The following PALM2AKAP2 variants were observed in gnomAD, a reference collection of about 807,000 sequenced individuals.
The protein encoded by PALM2AKAP2 is PALM2-AKAP2 fusion protein.
In PALM2AKAP2, 37 loss-of-function variants were observed where a neutral mutation model predicts 71.5. The ratio of observed to expected loss-of-function variants is 0.52; its 90% CI spans 0.40 to 0.68. PALM2AKAP2 has a LOEUF of 0.68. PALM2AKAP2 is among the 30% of genes least tolerant of loss of function. The pLI, the probability that PALM2AKAP2 is intolerant of heterozygous loss-of-function variation, is 0.00. For synonymous variants in PALM2AKAP2, 468 were observed against 478.8 expected (o/e 0.98, Z 0.29); for missense variants, 1,224 against 1,191.8 (o/e 1.03, Z -0.40).
chr9:109,738,155 T>C (rs1828665352), intron 1 of PALM2AKAP2, among the ~76,000 whole-genome samples: 1 of 152,246 alleles, frequency 6.6e-6, no homozygotes. Context: ...TATACTCTTA[T>C]GTTTCCCTCA....
intron 1 of PALM2AKAP2, among the ~76,000 whole-genome samples, chr9:109,765,109 C>T (rs777230226): frequency 3.3e-5 from 5 of 152,192 alleles, no homozygotes; most frequent in South Asian, 2.1e-4. Flanking sequence ...GTGGATAAAA[C>T]GTGGTTCTCA....
intron 1 of PALM2AKAP2, among the ~76,000 whole-genome samples, chr9:109,758,191 A>G (rs1346058695): frequency 6.6e-6 from 1 of 152,132 alleles, no homozygotes; most frequent in Non-Finnish European, 1.5e-5. Context: ...CCATCAGTGC[A>G]TGAAGAGTTT....
chr9:109,647,880 G>A (rs1827175329), intron 1 of PALM2AKAP2, among the ~76,000 whole-genome samples: 1 of 152,210 alleles, frequency 6.6e-6, no homozygotes, highest in South Asian at 2.1e-4. Context: ...TTACCTTAAA[G>A]TTGAGGAAAT....
In PALM2AKAP2 at chr9:109,705,082, T is replaced by C. The variant is rs560128406; in HGVS notation, c.5+64216T>C. 1.1e-4 allele frequency among the ~76,000 whole-genome samples: 17 copies of C among 152,312 alleles called. No individual in the cohort carries two copies. In the South Asian group the frequency reaches 3.1e-3, roughly 28 times the overall value. ...GGTTTTATGAGCATGAAAAGATGTC[T>C]GGAAAGAACTTAGCCCACCAGGACA... On this transcript the variant is annotated intron_variant, in intron 1 of 6. Coordinates refer to the PALM2AKAP2 transcript ENST00000374531.
At chr9:110,130,189 A>G (rs1160181480) in intron 1 of PALM2AKAP2, among the ~76,000 whole-genome samples, 1 of 152,272 alleles carries the variant, frequency 6.6e-6, no homozygotes, top group Non-Finnish European at 1.5e-5. Flanking sequence ...ACCGTTTTAC[A>G]GTTTACATAG....
chr9:109,709,169 A>G (rs1352379697), intron 1 of PALM2AKAP2, among the ~76,000 whole-genome samples: 1 of 152,220 alleles, frequency 6.6e-6, no homozygotes, highest in African/African-American at 2.4e-5. Flanking sequence ...AAGAGACCAC[A>G]GCCCACATCC....
At chr9:110,169,310 A>G (rs1836804404) in exon 4 of PALM2AKAP2, 1 of 152,604 alleles carries the variant, frequency 6.6e-6, no homozygotes, top group African/African-American at 2.4e-5. Context: ...TTTAGTGGGC[A>G]ACAACTATTT....
chr9:109,642,548 C>T (rs61030848), intron 1 of PALM2AKAP2, among the ~76,000 whole-genome samples: 30,864 of 149,346 alleles, frequency 0.21, 3,268 homozygotes, highest in African/African-American at 0.27. Context: ...ATTGGGGTTT[C>T]GGATTGGCAC....
intron 1 of PALM2AKAP2, among the ~76,000 whole-genome samples, chr9:109,669,629 TAG>T (rs1244316366): frequency 1.3e-5 from 2 of 152,126 alleles, no homozygotes; most frequent in Non-Finnish European, 2.9e-5. Context: ...TTAATAGATA[TAG>T]AACTACTCAG....
In PALM2AKAP2 at chr9:110,097,826, TTG is replaced by T. The variant is rs1260843670; in HGVS notation, c.157-38299_157-38298del. On this transcript the variant is annotated intron_variant, in intron 1 of 3. Transcript: ENST00000374525. ...AAGGCAGGCTGCTGGGAGGTGGATG[TTG>T]TAGCGAGCTGAGATCATGCCACTGC... 2.2e-4 allele frequency among the ~76,000 whole-genome samples: 31 copies of T among 139,592 alleles called. 4 individuals are homozygous for T. The highest frequency in any genetic ancestry group is 8.6e-4 in the African/African-American group (28 of 32,574). The allele number at this position is 139,592 out of a possible 152,430, so 91.6% of individuals were successfully genotyped here.
intron 3 of PALM2AKAP2, among the ~76,000 whole-genome samples, chr9:109,912,163 G>A (rs1380927552): frequency 6.6e-6 from 1 of 152,126 alleles, no homozygotes; most frequent in Non-Finnish European, 1.5e-5. Flanking sequence ...AACATGGAGG[G>A]TGTGAACTTC....
chr9:110,144,025 T>C (rs958456760), intron 2 of PALM2AKAP2, among the ~76,000 whole-genome samples: 1 of 152,262 alleles, frequency 6.6e-6, no homozygotes, highest in African/African-American at 2.4e-5. Context: ...CCCTTCATTA[T>C]CTGCAAATAT....
At chr9:109,651,116 A>G (rs1257287505) in intron 1 of PALM2AKAP2, among the ~76,000 whole-genome samples, 3 of 152,030 alleles carry the variant, frequency 2.0e-5, no homozygotes, top group African/African-American at 7.2e-5. Context: ...GCTGACCTCT[A>G]TGGACTCCCT....
chr9:109,746,292 A>C (rs1828800275), intron 1 of PALM2AKAP2, among the ~76,000 whole-genome samples: 1 of 152,214 alleles, frequency 6.6e-6, no homozygotes, highest in South Asian at 2.1e-4. Context: ...TGGGAATGCC[A>C]ACAGGTTTGG....
chr9:109,792,550 G>A (rs973990709), intron 1 of PALM2AKAP2, among the ~76,000 whole-genome samples: 9 of 152,082 alleles, frequency 5.9e-5, no homozygotes, highest in South Asian at 2.1e-4. Context: ...CAGGAAGGCT[G>A]ATTTTAAAAC....
At chr9:109,971,570 C>T (rs144001328) in intron 6 of PALM2AKAP2, among the ~76,000 whole-genome samples, 5 of 152,156 alleles carry the variant, frequency 3.3e-5, no homozygotes, top group Non-Finnish European at 5.9e-5. Context: ...AGATTACAGA[C>T]GTTCGCCACC....
intron 3 of PALM2AKAP2, among the ~76,000 whole-genome samples, chr9:109,918,863 G>T (rs149385226): frequency 6.6e-6 from 1 of 152,296 alleles, no homozygotes; most frequent in East Asian, 1.9e-4. Flanking sequence ...CTCAGTTGTT[G>T]TTATCACAAA....
At chr9:109,719,733 TG>T (rs1260184439) in intron 1 of PALM2AKAP2, among the ~76,000 whole-genome samples, 1 of 152,162 alleles carries the variant, frequency 6.6e-6, no homozygotes, top group South Asian at 2.1e-4. Context: ...TGCCTAGACC[TG>T]GGGCATACTT....
chr9:109,733,266 G>A (rs1441221427), intron 1 of PALM2AKAP2, among the ~76,000 whole-genome samples: 1 of 152,134 alleles, frequency 6.6e-6, no homozygotes, highest in Non-Finnish European at 1.5e-5. Flanking sequence ...AGGGTCGTTG[G>A]GGAGAAGAGA....
Sources: allele counts gnomAD v4.1 joint callset (sites outside exome capture counted in the v4.1 genomes callset), GRCh38; gene constraint gnomAD v4.1.1; transcripts MANE v1.5; gene names NCBI Gene and HGNC (gene_info 2026-07-23, HGNC 2026-07-21).